ANTXR1: variants seen among roughly 807,000 people sequenced by gnomAD.
ANTXR1 encodes the protein anthrax toxin receptor 1.
In ANTXR1, 19 loss-of-function variants were observed where a neutral mutation model predicts 78.1. That is an observed-to-expected ratio of 0.24 (90% confidence interval 0.17 to 0.36). The LOEUF is 0.36. ANTXR1 is among the 10% of genes least tolerant of loss of function. The pLI is 1.00. For missense variants in ANTXR1, 518 were observed against 718.6 expected (o/e 0.72, Z 3.19); for synonymous variants, 273 against 260.5 (o/e 1.05, Z -0.46).
At chr2:69,069,484 G>C (rs1478892264) in intron 3 of ANTXR1, among the ~76,000 whole-genome samples, 3 of 152,172 alleles carry the variant, frequency 2.0e-5, no homozygotes, top group Non-Finnish European at 2.9e-5. Flanking sequence ...AGAGCCATAG[G>C]TTCCCAGACA....
intron 8 of ANTXR1, among the ~76,000 whole-genome samples, chr2:69,089,466 A>G (rs530170091): frequency 3.9e-5 from 6 of 152,346 alleles, no homozygotes; most frequent in African/African-American, 1.4e-4. Flanking sequence ...TTCGTTTGCT[A>G]CTAGAAAGCT....
At chr2:69,094,356 G>A (rs551795084) in intron 9 of ANTXR1, among the ~76,000 whole-genome samples, 5 of 152,240 alleles carry the variant, frequency 3.3e-5, no homozygotes, top group Non-Finnish European at 7.4e-5. Context: ...ATGTTTCTCC[G>A]CTGAAAGAAA....
At chr2:69,158,788 C>T (rs1475488686) in intron 13 of ANTXR1, among the ~76,000 whole-genome samples, 5 of 152,152 alleles carry the variant, frequency 3.3e-5, no homozygotes, top group Admixed American at 3.3e-4. Flanking sequence ...TAAGCCATGA[C>T]GTTCACTAGG....
intron 17 of ANTXR1, among the ~76,000 whole-genome samples, chr2:69,229,756 T>C (rs1675543557): frequency 6.6e-6 from 1 of 151,292 alleles, no homozygotes; most frequent in Non-Finnish European, 1.5e-5. Context: ...TTTTTAATCT[T>C]AGAAAAGTGC....
Position 69,077,549 on chromosome 2 carries a change from T to G in ANTXR1, c.642+61T>G. ...GGCACCTTCCGTCTCTGATCTGCTA[T>G]TAATACCCCAATTCCATCTCTCAAA... On this transcript the variant is annotated intron_variant, in intron 8 of 17. Transcript: ENST00000303714. The G allele has an allele frequency of 3.9e-6, 6 of 1,527,070 alleles. No homozygotes were observed. The South Asian group carries it at 6.7e-5, about 17-fold the overall frequency. 94.6% of individuals were successfully genotyped at this position (1,527,070 alleles called of 1,614,324 possible).
chr2:69,205,679 C>T (rs1005740438), intron 17 of ANTXR1, among the ~76,000 whole-genome samples: 3 of 150,856 alleles, frequency 2.0e-5, no homozygotes, highest in African/African-American at 7.3e-5. Flanking sequence ...TTTTTTTCTG[C>T]AACCTCCAGG....
chr2:69,216,522 G>C (rs1675183453), intron 17 of ANTXR1, among the ~76,000 whole-genome samples: 1 of 152,032 alleles, frequency 6.6e-6, no homozygotes, highest in Admixed American at 6.5e-5. Flanking sequence ...TCTCAGAGTA[G>C]TCTTCAAACC....
intron 1 of ANTXR1, among the ~76,000 whole-genome samples, chr2:69,015,770 GA>G (rs1157102957): frequency 6.6e-6 from 1 of 151,922 alleles, no homozygotes; most frequent in East Asian, 1.9e-4. Flanking sequence ...TTCTATAAAT[GA>G]AAAATAAGCC....
rs201497715 is a variant in ANTXR1 at position 69,096,257 on chromosome 2, AAAGG to A, written c.703+5367_703+5370del. ...TGGGCAACAGAGCGAGACTCCGTCAAAAGGAAGGAAGGAAGGAAGGAAGGAAGGA... is the reference window on the plus strand; with the variant it reads ...TGGGCAACAGAGCGAGACTCCGTCAAAAGGAAGGAAGGAAGGAAGGAAGGA... On this transcript the variant is annotated intron_variant, in intron 9 of 17. Transcript: ENST00000303714. Among the ~76,000 whole-genome samples, 197 of 50,236 alleles carry A rather than the reference AAAGG, an allele frequency of 3.9e-3. 8 individuals are homozygous for A. Among genetic ancestry groups the A allele is most frequent in the East Asian group, 0.023 (32 of 1,422 alleles). The allele number at this position is 50,236 out of a possible 152,430, so 33.0% of individuals were successfully genotyped here. A position where few individuals can be genotyped will look rare whatever the true frequency, so the allele number is the denominator to read the frequency against.
chr2:69,034,243 G>A (rs1032374020), intron 1 of ANTXR1, among the ~76,000 whole-genome samples: 8 of 152,218 alleles, frequency 5.3e-5, no homozygotes, highest in African/African-American at 1.9e-4. Flanking sequence ...GTCTAGTAGT[G>A]AAGACTGGTG....
At chr2:69,197,768 C>G (rs941068762) in intron 17 of ANTXR1, among the ~76,000 whole-genome samples, 5 of 152,146 alleles carry the variant, frequency 3.3e-5, no homozygotes, top group Non-Finnish European at 7.4e-5. Flanking sequence ...CTTGGCCACT[C>G]TTTGAGTTCA....
chr2:69,245,027 T>C (rs1172348635), intron 17 of ANTXR1, among the ~76,000 whole-genome samples, 198 bp from the exon 18 acceptor site: 1 of 152,002 alleles, frequency 6.6e-6, no homozygotes, highest in African/African-American at 2.4e-5. Flanking sequence ...AAAGATGAAT[T>C]TTAACAGTTT....
chr2:69,062,735 A>G (rs754938458), intron 3 of ANTXR1, among the ~76,000 whole-genome samples: 1 of 152,210 alleles, frequency 6.6e-6, no homozygotes, highest in Non-Finnish European at 1.5e-5. Context: ...AAAGAAAAAC[A>G]TAGTTAATAG....
chr2:69,234,260 A>G (rs1017950326), intron 17 of ANTXR1, among the ~76,000 whole-genome samples: 4 of 152,240 alleles, frequency 2.6e-5, no homozygotes, highest in Admixed American at 1.3e-4. Flanking sequence ...ATCTGAAAAC[A>G]CAAATGAAAG....
At chr2:69,069,685 C>T (rs1670508489) in intron 3 of ANTXR1, among the ~76,000 whole-genome samples, 1 of 152,216 alleles carries the variant, frequency 6.6e-6, no homozygotes, top group Admixed American at 6.5e-5. Context: ...GACAGTAATA[C>T]TCACTTTCAG....
chr2:69,108,994 T>C (rs750057436), intron 10 of ANTXR1, among the ~76,000 whole-genome samples: 1 of 152,232 alleles, frequency 6.6e-6, no homozygotes, highest in Admixed American at 6.5e-5. Context: ...CATAGACTTA[T>C]GGCATAGTTA....
At chr2:69,235,017 C>CTTTTTTTTTT (rs748250586) in intron 17 of ANTXR1, among the ~76,000 whole-genome samples, 1 of 83,366 alleles carries the variant, frequency 1.2e-5, no homozygotes, top group African/African-American at 5.1e-5. Flanking sequence ...ATGATGAAAG[C>CTTTTTTTTTT]TTTTTTTTTT....
At chr2:69,243,561 G>T (rs1675940491) in intron 17 of ANTXR1, among the ~76,000 whole-genome samples, 1 of 152,114 alleles carries the variant, frequency 6.6e-6, no homozygotes, top group Non-Finnish European at 1.5e-5. Context: ...TCAGCATGTG[G>T]CTTGTCCCTT....
intron 13 of ANTXR1, among the ~76,000 whole-genome samples, chr2:69,168,465 A>G (rs1673891584): frequency 6.6e-6 from 1 of 152,224 alleles, no homozygotes; most frequent in Admixed American, 6.5e-5. Context: ...TGCTTAGCTC[A>G]TAGCACCGTG....
Sources: allele counts gnomAD v4.1 joint callset (sites outside exome capture counted in the v4.1 genomes callset), GRCh38; gene constraint gnomAD v4.1.1; transcripts MANE v1.5; gene names NCBI Gene and HGNC (gene_info 2026-07-23, HGNC 2026-07-21).